The following PKHD1 variants were observed in gnomAD, a reference collection of about 807,000 sequenced individuals.
PKHD1 encodes the protein PKHD1 ciliary IPT domain containing fibrocystin/polyductin, also known as fibrocystin.
Under a neutral mutation model 412.0 loss-of-function variants are expected in PKHD1, and 291 were observed. The ratio of observed to expected loss-of-function variants is 0.71; its 90% CI spans 0.64 to 0.78. PKHD1 has a LOEUF of 0.78. Ranked by LOEUF, PKHD1 falls within the 30% of genes least tolerant of loss-of-function variation. The pLI is 0.00. For missense variants in PKHD1, 4,825 were observed against 4,950.7 expected (o/e 0.97, Z 0.76); for synonymous variants, 1,777 against 1,821.5 (o/e 0.98, Z 0.62).
Position 51,742,609 on chromosome 6 carries a change from A to G in PKHD1, c.10156+1776T>C, listed in dbSNP as rs542815365. Reference sequence around the variant, plus strand: ...TGCTCTTGGATGACGTGTAACAGCAAACTCTTCTGGCTGGTTACTTATAAT... The same window carrying G: ...TGCTCTTGGATGACGTGTAACAGCAGACTCTTCTGGCTGGTTACTTATAAT... On this transcript the variant is annotated intron_variant, in intron 60 of 66. Transcript: ENST00000371117. 6.6e-4 allele frequency among the ~76,000 whole-genome samples: 100 copies of G among 152,312 alleles called. No individual in the cohort carries two copies. The South Asian group carries it at 0.012, about 18-fold the overall frequency.
At chr6:51,689,285 A>C (rs777548813) in intron 60 of PKHD1, among the ~76,000 whole-genome samples, 1 of 152,242 alleles carries the variant, frequency 6.6e-6, no homozygotes, top group Non-Finnish European at 1.5e-5. Context: ...GGCCTTCGAT[A>C]AAATTCGACA....
intron 60 of PKHD1, among the ~76,000 whole-genome samples, chr6:51,698,781 A>C (rs1190629398): frequency 6.6e-6 from 1 of 152,246 alleles, no homozygotes; most frequent in East Asian, 1.9e-4. Flanking sequence ...AATTAATGCA[A>C]GAATCAGTGC....
intron 60 of PKHD1, among the ~76,000 whole-genome samples, chr6:51,701,730 C>T (rs1448541153): frequency 6.6e-6 from 1 of 151,846 alleles, no homozygotes; most frequent in East Asian, 1.9e-4. Flanking sequence ...TTAAATATTG[C>T]ATTGGAAAGA....
intron 60 of PKHD1, among the ~76,000 whole-genome samples, chr6:51,726,239 G>A (rs1372756536): frequency 6.6e-6 from 1 of 152,120 alleles, no homozygotes; most frequent in Non-Finnish European, 1.5e-5. Context: ...CTTAAATTCC[G>A]GTTCCATTAA....
chr6:51,981,351 C>CGTCTACGTCTACGTCTA (rs1795195374), intron 35 of PKHD1, among the ~76,000 whole-genome samples: 1 of 110,646 alleles, frequency 9.0e-6, no homozygotes, highest in African/African-American at 3.3e-5. Context: ...CTCTCCCTCT[C>CGTCTACGTCTACGTCTA]CCTCTCCCTC....
At chr6:51,849,760 T>C (rs1771860755) in intron 49 of PKHD1, among the ~76,000 whole-genome samples, 1 of 152,186 alleles carries the variant, frequency 6.6e-6, no homozygotes, top group Non-Finnish European at 1.5e-5. Flanking sequence ...TTCTTGTAAA[T>C]ATGTTTAAGT....
chr6:51,711,541 A>G (rs1780662473), intron 60 of PKHD1, among the ~76,000 whole-genome samples: 1 of 152,202 alleles, frequency 6.6e-6, no homozygotes, highest in Admixed American at 6.5e-5. Flanking sequence ...TGAATAGCAG[A>G]GCTATCTGCA....
chr6:51,722,964 C>T (rs890242793), intron 60 of PKHD1, among the ~76,000 whole-genome samples: 5 of 152,158 alleles, frequency 3.3e-5, no homozygotes, highest in Non-Finnish European at 5.9e-5. Flanking sequence ...CATTTGTTTT[C>T]ATTTTTGTTT....
intron 23 of PKHD1, among the ~76,000 whole-genome samples, chr6:52,047,127 A>C (rs537515338): frequency 1.3e-4 from 20 of 152,228 alleles, no homozygotes; most frequent in Non-Finnish European, 2.5e-4. Flanking sequence ...GTTGTTTTGC[A>C]GGCGGTGATC....
intron 55 of PKHD1, among the ~76,000 whole-genome samples, chr6:51,755,446 T>C (rs911070841): frequency 5.3e-5 from 8 of 152,196 alleles, no homozygotes; most frequent in South Asian, 2.1e-4. Flanking sequence ...TTACCAGCTG[T>C]GTGACCTTGA....
At position 52,057,629 on chromosome 6, in the gene PKHD1, A is replaced by G. The variant is rs143781520; in HGVS notation, c.1513-650T>C. 8.6e-3 allele frequency among the ~76,000 whole-genome samples: 1,307 copies of G among 152,180 alleles called. 21 individuals are homozygous for G. The highest frequency in any genetic ancestry group is 0.029 in the African/African-American group (1,211 of 41,526). On this transcript the variant is annotated intron_variant, in intron 16 of 66. Transcript: ENST00000371117. ...ATGGGGTTTCATCATGTTGGCCAGGATGGTCTCGATCACTTGACCTTGTGA... is the reference window on the plus strand; with the variant it reads ...ATGGGGTTTCATCATGTTGGCCAGGGTGGTCTCGATCACTTGACCTTGTGA...
chr6:51,907,926 A>C (rs1782358268), intron 40 of PKHD1, among the ~76,000 whole-genome samples: 1 of 152,172 alleles, frequency 6.6e-6, no homozygotes, highest in Non-Finnish European at 1.5e-5. Flanking sequence ...AAAATAGATG[A>C]GTGTGCAGCT....
rs558991872 is a variant in PKHD1 at position 51,732,963 on chromosome 6, A to G, written c.10156+11422T>C. Among the ~76,000 whole-genome samples, 4 of 152,342 alleles carry G rather than the reference A, an allele frequency of 2.6e-5. No homozygotes were observed. In the East Asian group the frequency reaches 7.7e-4, roughly 29 times the overall value. On this transcript the variant is annotated intron_variant, in intron 60 of 66. Transcript: ENST00000371117. ...GGAATGAAATTCCATAATATGCTACAACATGGATGAACCCTGAGAACATTA... is the reference window on the plus strand; with the variant it reads ...GGAATGAAATTCCATAATATGCTACGACATGGATGAACCCTGAGAACATTA...
intron 60 of PKHD1, chr6:51,721,663 T>A: frequency 8.3e-7 from 1 of 1,207,008 alleles, no homozygotes; most frequent in Non-Finnish European, 1.0e-6. Flanking sequence ...TACTCCCCCA[T>A]ATCTGCTACT....
intron 34 of PKHD1, among the ~76,000 whole-genome samples, chr6:52,011,974 T>C (rs1008003819): frequency 6.6e-6 from 1 of 152,196 alleles, no homozygotes; most frequent in Non-Finnish European, 1.5e-5. Flanking sequence ...TATACTTAGA[T>C]AGTGGTCAAT....
Position 51,619,284 on chromosome 6 carries a change from T to C in PKHD1, c.12022A>G (p.Arg4008Gly). The change falls in exon 67 of 67, where the codon AGA (arginine) becomes GGA (glycine). Residue 4008 changes from arginine to glycine, a missense_variant. Coordinates refer to ENST00000371117, the MANE Select transcript of PKHD1 (RefSeq NM_138694.4). ...TGATTTTGGCCTGCCAGCTGGTATCTGAGCAACTGCTCTTGGCCCTCCTTC... is the reference window on the plus strand; with the variant it reads ...TGATTTTGGCCTGCCAGCTGGTATCCGAGCAACTGCTCTTGGCCCTCCTTC... ...NWKEGQEQLL[R>G]YQLAGQNQLL... 1 of 1,614,274 alleles carries C rather than the reference T, an allele frequency of 6.2e-7. No individual in the cohort carries two copies.
intron 60 of PKHD1, among the ~76,000 whole-genome samples, chr6:51,701,647 A>C (rs1180146262): frequency 6.6e-6 from 1 of 152,122 alleles, no homozygotes; most frequent in African/African-American, 2.4e-5. Context: ...AAAGTAAAAC[A>C]AGATACAAAA....
chr6:51,921,761 A>G (rs546909843), intron 37 of PKHD1, among the ~76,000 whole-genome samples: 1 of 152,298 alleles, frequency 6.6e-6, no homozygotes, highest in South Asian at 2.1e-4. Flanking sequence ...TTCTCATGCC[A>G]TGGTTTTCAG....
intron 36 of PKHD1, among the ~76,000 whole-genome samples, chr6:51,938,727 G>A (rs1787928330): frequency 6.6e-6 from 1 of 151,478 alleles, no homozygotes; most frequent in Non-Finnish European, 1.5e-5. Flanking sequence ...ACCTCCCTTG[G>A]GAGATCAATC....
Sources: allele counts gnomAD v4.1 joint callset (sites outside exome capture counted in the v4.1 genomes callset), GRCh38; gene constraint gnomAD v4.1.1; transcripts MANE v1.5; gene names NCBI Gene and HGNC (gene_info 2026-07-23, HGNC 2026-07-21).